Variants in USP12 observed in about 807,000 individuals in gnomAD.
USP12 encodes ubiquitin specific peptidase 12.
In USP12, 19 loss-of-function variants were observed where a neutral mutation model predicts 45.5. The observed-to-expected ratio is 0.42, with a 90% CI of 0.29 to 0.61. The LOEUF (loss-of-function observed/expected upper bound fraction) is 0.61. Ranked by LOEUF, USP12 falls within the 20% of genes least tolerant of loss-of-function variation. USP12 has a pLI of 0.22. For missense variants in USP12, 242 were observed against 447.7 expected (o/e 0.54, Z 4.15); for synonymous variants, 149 against 148.8 (o/e 1.00, Z -0.01).
chr13:27,087,098 G>GCT (rs1565984952), intron 6 of USP12, among the ~76,000 whole-genome samples: 1 of 143,674 alleles, frequency 7.0e-6, no homozygotes, highest in Non-Finnish European at 1.5e-5. Context: ...AGGGGAAGGG[G>GCT]CTGTGTGTGT....
At chr13:27,113,820 G>A (rs546147410) in intron 2 of USP12, among the ~76,000 whole-genome samples, 135 of 152,308 alleles carry the variant, frequency 8.9e-4, no homozygotes, top group Non-Finnish European at 1.7e-3. Context: ...ATGGCCATCA[G>A]ATGAGGAGAA....
intron 1 of USP12, among the ~76,000 whole-genome samples, chr13:27,169,452 A>T (rs1381278645): frequency 6.6e-6 from 1 of 152,212 alleles, no homozygotes; most frequent in Non-Finnish European, 1.5e-5. Context: ...TTAAAGAATA[A>T]GACTGCAAAT....
chr13:27,160,605 A>G (rs1388702037), intron 1 of USP12, among the ~76,000 whole-genome samples: 1 of 151,918 alleles, frequency 6.6e-6, no homozygotes, highest in African/African-American at 2.4e-5. Context: ...CTAGTTTTTG[A>G]GCCTTTGATG....
chr13:27,162,701 A>AT (rs1192322662), intron 1 of USP12, among the ~76,000 whole-genome samples: 1 of 152,286 alleles, frequency 6.6e-6, no homozygotes, highest in African/African-American at 2.4e-5. Context: ...ATTGAGCAAT[A>AT]TTTTGTTTTT....
chr13:27,086,221 C>T (rs1459893474), intron 6 of USP12, among the ~76,000 whole-genome samples: 12 of 84,940 alleles, frequency 1.4e-4, no homozygotes, highest in Non-Finnish European at 2.6e-4. Context: ...TATATATATG[C>T]GCACATATAC....
rs71083634 is a variant in USP12, at chr13:27,155,066, C to CTTTTTTT, written c.48+16519_48+16525dup. On this transcript the variant is annotated intron_variant, in intron 1 of 8. Coordinates refer to ENST00000282344, the MANE Select transcript of USP12 (RefSeq NM_182488.4). ...TTTTTTTTTTTTCTGATGTCCACAA[C>CTTTTTTT]TTTTTTTTTTTTTTTTTTTTTTTTT... 2.3e-3 allele frequency among the ~76,000 whole-genome samples: 133 copies of CTTTTTTT among 57,660 alleles called. 10 individuals carry two copies. Among genetic ancestry groups the CTTTTTTT allele is most frequent in the Middle Eastern group, 0.026 (1 of 38 alleles). 37.8% of individuals were successfully genotyped at this position (57,660 alleles called of 152,430 possible).
At chr13:27,070,036 C>T (rs901538376) in intron 8 of USP12, among the ~76,000 whole-genome samples, 1 of 152,080 alleles carries the variant, frequency 6.6e-6, no homozygotes, top group Non-Finnish European at 1.5e-5. Flanking sequence ...AAAAGATGAC[C>T]AATGCATTTT....
rs531905513 is a variant in USP12, at chr13:27,138,448, C to T, written c.49-21852G>A. Reference sequence around the variant, plus strand: ...CTGAGAGATGGTGTATCCCCTGTATCGCCCTCCAGAAAACACCTTTTATAG... The same window carrying T: ...CTGAGAGATGGTGTATCCCCTGTATTGCCCTCCAGAAAACACCTTTTATAG... On this transcript the variant is annotated intron_variant, in intron 1 of 8. Transcript: ENST00000282344. 2.6e-5 allele frequency among the ~76,000 whole-genome samples: 4 copies of T among 152,288 alleles called. No homozygotes were observed. The South Asian group carries it at 6.2e-4, about 24-fold the overall frequency.
At chr13:27,124,318 G>T (rs1876127123) in intron 1 of USP12, among the ~76,000 whole-genome samples, 1 of 152,080 alleles carries the variant, frequency 6.6e-6, no homozygotes. Context: ...CTAAAAAATG[G>T]TGTCTATGAG....
intron 2 of USP12, among the ~76,000 whole-genome samples, chr13:27,114,929 G>A (rs1875652480): frequency 6.6e-6 from 1 of 152,154 alleles, no homozygotes; most frequent in East Asian, 1.9e-4. Context: ...AGGCTGCAGT[G>A]AGCTGTGATG....
Position 27,141,012 on chromosome 13 carries a change from CT to C in USP12, c.49-24417del, listed in dbSNP as rs11455614. On this transcript the variant is annotated intron_variant, in intron 1 of 8. Coordinates refer to ENST00000282344, the MANE Select transcript of USP12 (RefSeq NM_182488.4). ...ATTTGAAATTTTCAGTGTGAAGTCA[CT>C]TTTTTTTTTTTTTTTTTTTTTGAGA... 3.7e-3 allele frequency among the ~76,000 whole-genome samples: 456 copies of C among 122,552 alleles called. 1 individual carries two copies. Among genetic ancestry groups the C allele is most frequent in the African/African-American group, 9.5e-3 (321 of 33,718 alleles). The allele number at this position is 122,552 out of a possible 152,430, so 80.4% of individuals were successfully genotyped here.
chr13:27,117,778 C>T, intron 1 of USP12: 1 of 518,322 alleles, frequency 1.9e-6, no homozygotes, highest in Non-Finnish European at 3.8e-6. Context: ...CACAGACAAT[C>T]ATAGCGTGTC....
chr13:27,126,329 G>A (rs1053420736), intron 1 of USP12, among the ~76,000 whole-genome samples: 4 of 152,218 alleles, frequency 2.6e-5, no homozygotes, highest in Non-Finnish European at 4.4e-5. Context: ...GTGATACCCA[G>A]GCAAACAGGG....
At chr13:27,086,193 A>T (rs71425184) in intron 6 of USP12, among the ~76,000 whole-genome samples, 35,717 of 63,172 alleles carry the variant, frequency 0.57, 9,663 homozygotes, top group East Asian at 0.71. Flanking sequence ...AAAAAAAAAA[A>T]AAAAATATAT....
intron 1 of USP12, among the ~76,000 whole-genome samples, chr13:27,132,138 A>AC (rs1385650590): frequency 6.6e-6 from 1 of 152,116 alleles, no homozygotes; most frequent in Non-Finnish European, 1.5e-5. Flanking sequence ...CATTTCCTCC[A>AC]CCTCCCAGCC....
At position 27,098,483 on chromosome 13, in the gene USP12, A is replaced by C. The variant is rs752450063; in HGVS notation, c.344-2653T>G. 2.0e-4 allele frequency among the ~76,000 whole-genome samples: 31 copies of C among 152,252 alleles called. 1 individual carries two copies. Among genetic ancestry groups the C allele is most frequent in the Non-Finnish European group, 8.8e-5 (6 of 68,048 alleles). On this transcript the variant is annotated intron_variant, in intron 3 of 8. Transcript: ENST00000282344. The stretch of plus-strand genomic sequence containing the variant: ...AATACATGACAAGGGACTGGGAAAT[A>C]ACAATTAAAACAATGACAAAATATC...
intron 1 of USP12, among the ~76,000 whole-genome samples, chr13:27,125,320 T>C (rs1353740308): frequency 6.6e-6 from 1 of 152,150 alleles, no homozygotes. Flanking sequence ...CATGATTACA[T>C]ATAAATAAAA....
Position 27,158,571 on chromosome 13 carries a change from G to A in USP12, c.48+13021C>T, listed in dbSNP as rs531520680. Among the ~76,000 whole-genome samples the A allele has an allele frequency of 5.3e-5, 8 of 152,178 alleles. No homozygotes were observed. In the South Asian group the frequency reaches 8.3e-4, roughly 16 times the overall value. On this transcript the variant is annotated intron_variant, in intron 1 of 8. Transcript: ENST00000282344. ...ATGTGGTCTAGCCTCTTGCTCCTAG[G>A]CCACAAACCTGTACAGCATATGACT... is the stretch of plus-strand genomic sequence containing the variant.
intron 1 of USP12, among the ~76,000 whole-genome samples, chr13:27,168,706 T>C (rs1258245644): frequency 6.6e-6 from 1 of 152,192 alleles, no homozygotes. Flanking sequence ...CTCATTTGGT[T>C]CAGGCTATAA....
Sources: allele counts gnomAD v4.1 joint callset (sites outside exome capture counted in the v4.1 genomes callset), GRCh38; gene constraint gnomAD v4.1.1; transcripts MANE v1.5; gene names NCBI Gene and HGNC (gene_info 2026-07-23, HGNC 2026-07-21).